Variants in ADGRB3 observed in about 807,000 individuals in gnomAD.
The protein encoded by ADGRB3 is adhesion G protein-coupled receptor B3, also known as brain-specific angiogenesis inhibitor 3.
Under a neutral mutation model 193.4 loss-of-function variants are expected in ADGRB3, and 37 were observed. The ratio of observed to expected loss-of-function variants is 0.19; its 90% CI spans 0.15 to 0.25. The LOEUF (loss-of-function observed/expected upper bound fraction) is 0.25, where lower values mean the gene tolerates loss of function less well. ADGRB3 is among the 10% of genes least tolerant of loss of function. ADGRB3 has a pLI of 1.00. For synonymous variants in ADGRB3, 690 were observed against 644.2 expected (o/e 1.07, Z -1.08); for missense variants, 1,637 against 1,852.9 (o/e 0.88, Z 2.14).
chr6:68,912,517 G>A (rs561368346), intron 3 of ADGRB3, among the ~76,000 whole-genome samples: 16 of 151,624 alleles, frequency 1.1e-4, no homozygotes, highest in African/African-American at 1.9e-4. Context: ...ATCCCTCCCC[G>A]CTCCCTCCAC....
intron 15 of ADGRB3, among the ~76,000 whole-genome samples, chr6:69,050,569 G>T (rs1771363447): frequency 6.6e-6 from 1 of 152,134 alleles, no homozygotes; most frequent in African/African-American, 2.4e-5. Context: ...TTTAGTCATA[G>T]TTACACTGCC....
At chr6:69,252,409 G>A (rs915635669) in intron 20 of ADGRB3, among the ~76,000 whole-genome samples, 20 of 151,756 alleles carry the variant, frequency 1.3e-4, no homozygotes, top group Non-Finnish European at 2.8e-4. Flanking sequence ...ATTTCTTCTG[G>A]GAAAGAAGCT....
intron 20 of ADGRB3, among the ~76,000 whole-genome samples, chr6:69,298,366 T>C (rs1304391890): frequency 6.6e-6 from 1 of 152,052 alleles, no homozygotes; most frequent in Non-Finnish European, 1.5e-5. Context: ...TACGTATATA[T>C]AATAATTGTA....
chr6:69,138,166 T>C (rs1173836730), intron 17 of ADGRB3, among the ~76,000 whole-genome samples: 1 of 152,236 alleles, frequency 6.6e-6, no homozygotes, highest in Non-Finnish European at 1.5e-5. Context: ...AATATATGGC[T>C]TACTGTGTTC....
intron 17 of ADGRB3, among the ~76,000 whole-genome samples, chr6:69,124,119 A>G (rs1773791368): frequency 6.6e-6 from 1 of 151,362 alleles, no homozygotes; most frequent in Non-Finnish European, 1.5e-5. Context: ...GACATTTTTA[A>G]CTCTCTGTAA....
rs376461965 is a variant in ADGRB3, at chr6:69,059,448, ACT to A, written c.2334-3483_2334-3482del. Reference sequence around the variant, plus strand: ...GTTCATGTGCCTTTAACTTCTTAAGACTCTGCAAAAAAATGTGAAGATTAAGT... The same window carrying A: ...GTTCATGTGCCTTTAACTTCTTAAGACTGCAAAAAAATGTGAAGATTAAGT... On this transcript the variant is annotated intron_variant, in intron 15 of 31. Transcript: ENST00000370598. 2.3e-3 allele frequency among the ~76,000 whole-genome samples: 345 copies of A among 152,202 alleles called. 5 individuals are homozygous for A. Among genetic ancestry groups the A allele is most frequent in the African/African-American group, 8.1e-3 (338 of 41,532 alleles).
chr6:68,907,973 T>C (rs995928714), intron 3 of ADGRB3, among the ~76,000 whole-genome samples: 1 of 151,970 alleles, frequency 6.6e-6, no homozygotes, highest in African/African-American at 2.4e-5. Context: ...TCTTTAATAT[T>C]TTCTATTTCT....
At chr6:68,807,162 G>A (rs916720595) in intron 3 of ADGRB3, among the ~76,000 whole-genome samples, 1 of 150,466 alleles carries the variant, frequency 6.6e-6, no homozygotes, top group African/African-American at 2.4e-5. Context: ...GTGAGATAAT[G>A]GTTTTATTGA....
intron 3 of ADGRB3, among the ~76,000 whole-genome samples, chr6:68,926,746 GT>G (rs1185826376): frequency 3.3e-5 from 5 of 151,292 alleles, no homozygotes; most frequent in Non-Finnish European, 7.4e-5. Context: ...ACGGATATGT[GT>G]TTGTGTTTTA....
rs1270804860 is a variant in ADGRB3, at chr6:69,153,541, A to C, written c.2480+77503A>C. Among the ~76,000 whole-genome samples the C allele has an allele frequency of 3.9e-5, 6 of 152,310 alleles. No individual in the cohort carries two copies. In the East Asian group the frequency reaches 1.2e-3, roughly 29 times the overall value. ...CAGAAATGGGTAGTTCTTTTTCAACAAGGTATGACAGCATAGCCTTGGTCC... is the reference window on the plus strand; with the variant it reads ...CAGAAATGGGTAGTTCTTTTTCAACCAGGTATGACAGCATAGCCTTGGTCC... On this transcript the variant is annotated intron_variant, in intron 17 of 31. Transcript: ENST00000370598.
At chr6:69,340,541 G>A (rs1768952454) in intron 26 of ADGRB3, among the ~76,000 whole-genome samples, 2 of 152,140 alleles carry the variant, frequency 1.3e-5, no homozygotes, top group Admixed American at 1.3e-4. Context: ...CTATAGTTTT[G>A]CAGTGATGTG....
chr6:68,977,709 T>G (rs550130339), intron 10 of ADGRB3, among the ~76,000 whole-genome samples: 8 of 152,286 alleles, frequency 5.3e-5, no homozygotes, highest in African/African-American at 1.9e-4. Flanking sequence ...AAGCTGCCTC[T>G]GTTTATTCGG....
intron 15 of ADGRB3, among the ~76,000 whole-genome samples, chr6:69,050,896 T>C (rs1771374041): frequency 6.6e-6 from 1 of 152,190 alleles, no homozygotes; most frequent in Non-Finnish European, 1.5e-5. Flanking sequence ...TCAACATAAA[T>C]TTTTTAGATT....
chr6:68,905,856 T>A (rs1266920720), intron 3 of ADGRB3, among the ~76,000 whole-genome samples: 1 of 152,178 alleles, frequency 6.6e-6, no homozygotes, highest in Non-Finnish European at 1.5e-5. Context: ...ACCTGACCAC[T>A]GCCTCAGTTT....
In ADGRB3 at chr6:68,817,307, GTA is replaced by G. The variant is rs60723627; in HGVS notation, c.758-113199_758-113198del. Among the ~76,000 whole-genome samples, 359 of 43,960 alleles carry G rather than the reference GTA, an allele frequency of 8.2e-3. 2 individuals carry two copies. The highest frequency in any genetic ancestry group is 0.038 in the Middle Eastern group (2 of 52). The allele number at this position is 43,960 out of a possible 152,430, so 28.8% of individuals were successfully genotyped here. On this transcript the variant is annotated intron_variant, in intron 3 of 31. Coordinates refer to ENST00000370598, the MANE Select transcript of ADGRB3 (RefSeq NM_001704.3). ...GTATTTATTATTCCCTTTTGTCCAT[GTA>G]TATATATATATATATATATATATAT...
intron 3 of ADGRB3, among the ~76,000 whole-genome samples, chr6:68,876,592 T>C (rs938418517): frequency 6.6e-6 from 1 of 152,216 alleles, no homozygotes; most frequent in Admixed American, 6.5e-5. Context: ...ATTCCTAGAA[T>C]GGCTTTTTTG....
intron 20 of ADGRB3, among the ~76,000 whole-genome samples, chr6:69,269,197 C>A (rs561277846): frequency 6.6e-6 from 1 of 152,170 alleles, no homozygotes; most frequent in Admixed American, 6.6e-5. Context: ...AAGTCAGAAT[C>A]AAGTATTGAA....
intron 3 of ADGRB3, among the ~76,000 whole-genome samples, chr6:68,739,349 G>T (rs182763771): frequency 6.6e-6 from 1 of 152,180 alleles, no homozygotes; most frequent in Non-Finnish European, 1.5e-5. Flanking sequence ...TTTAGTTTTA[G>T]TTGGGAGAAA....
intron 13 of ADGRB3, among the ~76,000 whole-genome samples, chr6:69,038,821 C>T (rs1224558833): frequency 6.6e-6 from 1 of 152,126 alleles, no homozygotes. Context: ...TCAAAAATAG[C>T]CTGTTCAAGG....
Sources: allele counts gnomAD v4.1 joint callset (sites outside exome capture counted in the v4.1 genomes callset), GRCh38; gene constraint gnomAD v4.1.1; transcripts MANE v1.5; gene names NCBI Gene and HGNC (gene_info 2026-07-23, HGNC 2026-07-21).